ATP10A: variants seen among roughly 807,000 people sequenced by gnomAD.
ATP10A encodes the protein ATPase phospholipid transporting 10A (putative).
In ATP10A, 111 loss-of-function variants were observed where a neutral mutation model predicts 147.8. The ratio of observed to expected loss-of-function variants is 0.75; its 90% CI spans 0.64 to 0.88. ATP10A has a LOEUF of 0.88. ATP10A is among the 40% of genes least tolerant of loss of function. ATP10A has a pLI of 0.00. For synonymous variants in ATP10A, 875 were observed against 841.6 expected (o/e 1.04, Z -0.69); for missense variants, 1,927 against 1,959.0 (o/e 0.98, Z 0.31).
At chr15:25,809,682 C>T (rs1891344884) in intron 1 of ATP10A, among the ~76,000 whole-genome samples, 1 of 147,224 alleles carries the variant, frequency 6.8e-6, no homozygotes, top group Admixed American at 7.0e-5. Context: ...TGCCTGAGAA[C>T]AGTGCTGTTC....
intron 2 of ATP10A, among the ~76,000 whole-genome samples, chr15:25,759,028 C>G (rs1466866089): frequency 6.6e-6 from 1 of 152,232 alleles, no homozygotes; most frequent in Non-Finnish European, 1.5e-5. Flanking sequence ...GCGATCTAAC[C>G]CTAGCCAATG....
intron 1 of ATP10A, among the ~76,000 whole-genome samples, chr15:25,789,852 G>A (rs953850168): frequency 1.3e-5 from 2 of 152,036 alleles, no homozygotes; most frequent in African/African-American, 2.4e-5. Context: ...GATGCCAGTA[G>A]GGCTCCCTCC....
intron 1 of ATP10A, among the ~76,000 whole-genome samples, chr15:25,796,762 A>G (rs767825038): frequency 9.2e-5 from 14 of 152,244 alleles, no homozygotes; most frequent in Non-Finnish European, 1.3e-4. Flanking sequence ...AGGCCACAGG[A>G]CAATGTGACA....
chr15:25,770,176 C>T (rs1889260444), intron 2 of ATP10A, among the ~76,000 whole-genome samples: 1 of 151,002 alleles, frequency 6.6e-6, no homozygotes, highest in Non-Finnish European at 1.5e-5. Flanking sequence ...GGGCCCCACC[C>T]ATGTTTTCAG....
chr15:25,832,659 T>A (rs1316046671), intron 1 of ATP10A, among the ~76,000 whole-genome samples: 1 of 152,020 alleles, frequency 6.6e-6, no homozygotes, highest in East Asian at 1.9e-4. Flanking sequence ...ACAGGCAACA[T>A]CTAGCCTTCT....
chr15:25,708,465 C>G, intron 10 of ATP10A, 165 bp from the exon 11 acceptor site: 1 of 376,920 alleles, frequency 2.7e-6, no homozygotes, highest in Non-Finnish European at 4.3e-6. Context: ...AAAAAAGAGT[C>G]TCATCAATAT....
intron 1 of ATP10A, among the ~76,000 whole-genome samples, chr15:25,809,017 C>T (rs1038493206): frequency 7.2e-5 from 11 of 152,086 alleles, no homozygotes; most frequent in Non-Finnish European, 1.5e-4. Flanking sequence ...AAGCCAGGTA[C>T]AGGCAGTAAG....
chr15:25,834,244 G>A (rs11639465), intron 1 of ATP10A, among the ~76,000 whole-genome samples: 69,850 of 151,994 alleles, frequency 0.46, 18,313 homozygotes, highest in East Asian at 0.67. Context: ...GCAGAATGGG[G>A]AAAAGTTTTT....
chr15:25,818,065 C>CTAAA (rs1891739393), intron 1 of ATP10A, among the ~76,000 whole-genome samples: 1 of 151,692 alleles, frequency 6.6e-6, no homozygotes, highest in Non-Finnish European at 1.5e-5. Context: ...ATTTTACTAG[C>CTAAA]TTTTAAAAAA....
At chr15:25,808,042 C>T (rs146775085) in intron 1 of ATP10A, among the ~76,000 whole-genome samples, 218 of 152,278 alleles carry the variant, frequency 1.4e-3, no homozygotes, top group Admixed American at 0.013. Flanking sequence ...AAGTGACACA[C>T]GTATCACTGG....
At chr15:25,746,957 ATC>A (rs1887872610) in intron 2 of ATP10A, among the ~76,000 whole-genome samples, 2 of 152,216 alleles carry the variant, frequency 1.3e-5, no homozygotes, top group African/African-American at 4.8e-5. Flanking sequence ...ATAAAAAAAA[ATC>A]AGAAATCTGA....
chr15:25,680,720 C>T (rs567786740), intron 19 of ATP10A, 90 bp downstream of exon 19: 255 of 1,250,020 alleles, frequency 2.0e-4, no homozygotes, highest in African/African-American at 4.3e-4. Flanking sequence ...CTACTCAAAA[C>T]GACCTCCCAG....
intron 1 of ATP10A, among the ~76,000 whole-genome samples, chr15:25,797,768 C>A (rs12593551): frequency 0.15 from 22,432 of 152,036 alleles, 1,778 homozygotes; most frequent in East Asian, 0.35. Flanking sequence ...CACCAGGAGA[C>A]TGCCGCCCTG....
At chr15:25,699,177 A>G (rs1351590618) in intron 13 of ATP10A, among the ~76,000 whole-genome samples, 2 of 152,220 alleles carry the variant, frequency 1.3e-5, no homozygotes, top group Non-Finnish European at 2.9e-5. Context: ...AACACTACCA[A>G]TTTTTAAGAC....
chr15:25,814,662 C>T (rs1891573260), intron 1 of ATP10A, among the ~76,000 whole-genome samples: 1 of 152,244 alleles, frequency 6.6e-6, no homozygotes, highest in South Asian at 2.1e-4. Context: ...AGCTGGGAAG[C>T]TGGGCAGGTG....
At chr15:25,743,331 A>C (rs1887669523) in intron 2 of ATP10A, among the ~76,000 whole-genome samples, 1 of 152,272 alleles carries the variant, frequency 6.6e-6, no homozygotes, top group Admixed American at 6.5e-5. Context: ...CAGATTCAAA[A>C]GAAAAGTTAT....
intron 1 of ATP10A, among the ~76,000 whole-genome samples, chr15:25,817,185 C>A (rs949699583): frequency 2.0e-5 from 3 of 152,148 alleles, no homozygotes; most frequent in African/African-American, 7.2e-5. Flanking sequence ...CAGGTTCAAG[C>A]AGTTCTCCTG....
chr15:25,697,909 C>G (rs1900434783), intron 13 of ATP10A, among the ~76,000 whole-genome samples: 1 of 152,196 alleles, frequency 6.6e-6, no homozygotes, highest in Admixed American at 6.5e-5. Context: ...CTTAGCTCCA[C>G]TTTAGTGATA....
chr15:25,716,783 G>A lies in ATP10A; in HGVS notation c.1723C>T (p.Leu575Phe), dbSNP rs758795698. 1.2e-5 allele frequency: 19 copies of A among 1,608,666 alleles called. No homozygotes were observed. The Admixed American group carries it at 1.2e-4, about 10-fold the overall frequency. Residue 575 changes from leucine (L) to phenylalanine (F), a missense_variant, in exon 9 of 21, where the codon CTC (leucine) becomes TTC (phenylalanine). Leu to Phe is a conservative substitution (Grantham distance 22). Coordinates refer to ENST00000555815, the MANE Select transcript of ATP10A (RefSeq NM_024490.4). ...ACGACGACTGTGTTGCAGATGGTGA[G>A]TGCGATGAAGAAATCAAAGACGTCA... ...LSDVFDFFIA[L>F]TICNTVVVTS...
Sources: gnomAD v4.1 joint callset for allele counts (sites outside exome capture counted in the v4.1 genomes callset) on GRCh38, gnomAD v4.1.1 for gene constraint, MANE v1.5 for transcripts, NCBI Gene and HGNC (gene_info 2026-07-23, HGNC 2026-07-21) for gene names.